The following CAB39L variants were observed in gnomAD, a reference collection of about 807,000 sequenced individuals.
The protein encoded by CAB39L is calcium-binding protein 39-like.
Under a neutral mutation model 39.1 loss-of-function variants are expected in CAB39L, and 23 were observed. The observed-to-expected ratio is 0.59, with a 90% CI of 0.42 to 0.83. CAB39L has a LOEUF of 0.83. Among genes scored for constraint, CAB39L ranks in the 40% least tolerant of loss-of-function variants. CAB39L has a pLI of 0.00. For missense variants in CAB39L, 366 were observed against 391.9 expected, an observed-to-expected ratio of 0.93 and a Z score of 0.56; for synonymous variants, 126 against 137.2, an observed-to-expected ratio of 0.92 and a Z score of 0.57.
At chr13:49,332,264 G>C (rs191491092) in intron 9 of CAB39L, among the ~76,000 whole-genome samples, 174 bp from the exon 10 acceptor site, 1 of 152,300 alleles carries the variant, frequency 6.6e-6, no homozygotes, top group African/African-American at 2.4e-5. Flanking sequence ...AATAGTTATT[G>C]AGCAATTTTT....
intron 3 of CAB39L, among the ~76,000 whole-genome samples, chr13:49,425,318 T>A (rs1041884429): frequency 2.1e-4 from 32 of 152,122 alleles, no homozygotes; most frequent in African/African-American, 7.0e-4. Flanking sequence ...ATGCAATCAA[T>A]AAAACAAAAA....
At chr13:49,362,005 T>C (rs1452246432) in intron 5 of CAB39L, among the ~76,000 whole-genome samples, 1 of 152,044 alleles carries the variant, frequency 6.6e-6, no homozygotes, top group African/African-American at 2.4e-5. Flanking sequence ...TCATATTCTT[T>C]TTGTTATTTT....
chr13:49,414,637 T>A (rs915490030), intron 3 of CAB39L, among the ~76,000 whole-genome samples: 1 of 152,154 alleles, frequency 6.6e-6, no homozygotes, highest in African/African-American at 2.4e-5. Flanking sequence ...ATACTTCAAA[T>A]TCATTTTAAA....
chr13:49,320,998 T>C (rs1954321767), intron 10 of CAB39L, among the ~76,000 whole-genome samples: 1 of 152,280 alleles, frequency 6.6e-6, no homozygotes, highest in East Asian at 1.9e-4. Flanking sequence ...GCCAGCAGCC[T>C]GAAAGTACAG....
At chr13:49,409,908 A>G (rs1276207767) in intron 3 of CAB39L, among the ~76,000 whole-genome samples, 2 of 126,840 alleles carry the variant, frequency 1.6e-5, no homozygotes, top group African/African-American at 5.7e-5. Flanking sequence ...CCCTCTCTCT[A>G]TTTAAAAAAA....
intron 5 of CAB39L, among the ~76,000 whole-genome samples, chr13:49,372,210 A>G (rs1955936529): frequency 6.6e-6 from 1 of 152,228 alleles, no homozygotes; most frequent in African/African-American, 2.4e-5. Context: ...AAGCCTTGCA[A>G]ACTCAGCCAC....
At chr13:49,338,780 A>C (rs1456123397) in intron 9 of CAB39L, among the ~76,000 whole-genome samples, 1 of 152,216 alleles carries the variant, frequency 6.6e-6, no homozygotes, top group East Asian at 1.9e-4. Flanking sequence ...TTAGGGAATG[A>C]CCATGTTTCA....
At chr13:49,419,104 A>C (rs1387502273) in intron 3 of CAB39L, among the ~76,000 whole-genome samples, 3 of 151,882 alleles carry the variant, frequency 2.0e-5, no homozygotes, top group Admixed American at 6.6e-5. Context: ...AGTAGCTGTG[A>C]TTACAGGTGC....
In CAB39L at chr13:49,436,553, C is replaced by CTTTTTTTTTTTTTTTTT. The variant is rs57141770; in HGVS notation, c.-245-2347_-245-2331dup. On this transcript the variant is annotated intron_variant, in intron 1 of 10. Transcript: ENST00000409308. ...TTTAGCTTCATTTCTTTCTTTATGACTTTTTTTTTTTTTTTTTTTTTTTTT... is the reference window on the plus strand; with the variant it reads ...TTTAGCTTCATTTCTTTCTTTATGACTTTTTTTTTTTTTTTTTTTTTTTTTTTTTTTTTTTTTTTTTT... Among the ~76,000 whole-genome samples the CTTTTTTTTTTTTTTTTT allele has an allele frequency of 9.5e-5, 7 of 73,428 alleles. 2 individuals carry two copies. Among genetic ancestry groups the CTTTTTTTTTTTTTTTTT allele is most frequent in the Non-Finnish European group, 1.6e-4 (7 of 42,614 alleles). The allele number at this position is 73,428 out of a possible 152,430, so 48.2% of individuals were successfully genotyped here. A position where few individuals can be genotyped will look rare whatever the true frequency, so the allele number is the denominator to read the frequency against.
chr13:49,340,811 G>C (rs1954985168), intron 8 of CAB39L, among the ~76,000 whole-genome samples: 1 of 152,204 alleles, frequency 6.6e-6, no homozygotes, highest in Non-Finnish European at 1.5e-5. Context: ...TACTGCTAAA[G>C]AAATATCAGC....
At chr13:49,388,774 A>G (rs545512533) in intron 3 of CAB39L, among the ~76,000 whole-genome samples, 1 of 152,294 alleles carries the variant, frequency 6.6e-6, no homozygotes, top group East Asian at 1.9e-4. Context: ...TCAACTAAAG[A>G]AGTTAAAAAG....
chr13:49,327,088 G>GT (rs1214050574), intron 10 of CAB39L, among the ~76,000 whole-genome samples: 1 of 151,834 alleles, frequency 6.6e-6, no homozygotes, highest in African/African-American at 2.4e-5. Flanking sequence ...GAGTACAAGA[G>GT]TAACATATCA....
In CAB39L at chr13:49,384,594, CTTTTG is replaced by C. The variant is rs1344062718; in HGVS notation, c.-31-1658_-31-1654del. On this transcript the variant is annotated intron_variant, in intron 3 of 10. Transcript: ENST00000409308. ...TGCTTGCATCTTATGAAATGTATTT[CTTTTG>C]TTTGTTTTTTTAACTTTTATTAGAA... Among the ~76,000 whole-genome samples the C allele has an allele frequency of 2.0e-5, 3 of 152,102 alleles. No individual in the cohort carries two copies. The East Asian group carries it at 5.8e-4, about 29-fold the overall frequency.
At chr13:49,440,737 TG>T (rs1957500854) in intron 1 of CAB39L, among the ~76,000 whole-genome samples, 2 of 149,598 alleles carry the variant, frequency 1.3e-5, no homozygotes, top group Non-Finnish European at 3.0e-5. Context: ...TGTGTGTGTG[TG>T]TGTGTGTGTG....
intron 3 of CAB39L, among the ~76,000 whole-genome samples, chr13:49,398,997 A>G (rs558135621): frequency 6.6e-6 from 1 of 152,188 alleles, no homozygotes; most frequent in Non-Finnish European, 1.5e-5. Flanking sequence ...GACCTATTCT[A>G]TCTTACTTTT....
At chr13:49,371,745 C>T (rs568437607) in intron 5 of CAB39L, among the ~76,000 whole-genome samples, 361 of 152,050 alleles carry the variant, frequency 2.4e-3, no homozygotes, top group African/African-American at 8.3e-3. Context: ...CACAGGCAGG[C>T]ATACTCTGCT....
At chr13:49,418,366 A>C (rs1022607742) in intron 3 of CAB39L, among the ~76,000 whole-genome samples, 1 of 152,160 alleles carries the variant, frequency 6.6e-6, no homozygotes, top group East Asian at 1.9e-4. Context: ...AGTTGTCTAG[A>C]GTTAGGAGGG....
At chr13:49,436,553 C>CTTT (rs57141770) in intron 1 of CAB39L, among the ~76,000 whole-genome samples, 1 of 73,428 alleles carries the variant, frequency 1.4e-5, no homozygotes, top group Non-Finnish European at 2.3e-5. Context: ...TTCTTTATGA[C>CTTT]TTTTTTTTTT....
chr13:49,321,025 C>A (rs772242784), intron 10 of CAB39L, among the ~76,000 whole-genome samples: 8 of 152,192 alleles, frequency 5.3e-5, no homozygotes, highest in Admixed American at 6.5e-5. Context: ...CTAAAAACCT[C>A]TAGAATCTCC....
Sources: gnomAD v4.1 joint callset for allele counts (sites outside exome capture counted in the v4.1 genomes callset) on GRCh38, gnomAD v4.1.1 for gene constraint, MANE v1.5 for transcripts, NCBI Gene and HGNC (gene_info 2026-07-23, HGNC 2026-07-21) for gene names.